DCC: variants seen among roughly 807,000 people sequenced by gnomAD.
DCC encodes the protein DCC netrin 1 receptor.
Under a neutral mutation model 172.5 loss-of-function variants are expected in DCC, and 58 were observed. The ratio of observed to expected loss-of-function variants is 0.34; its 90% confidence interval spans 0.27 to 0.42. The LOEUF is 0.42. DCC is among the 10% of genes least tolerant of loss of function. DCC has a pLI of 1.00. For synonymous variants in DCC, 709 were observed against 644.5 expected (o/e 1.10, Z -1.52); for missense variants, 1,740 against 1,791.0 (o/e 0.97, Z 0.51).
At chr18:53,313,133 A>T (rs1042924327) in intron 13 of DCC, among the ~76,000 whole-genome samples, 6 of 152,104 alleles carry the variant, frequency 3.9e-5, no homozygotes, top group Admixed American at 3.3e-4. Flanking sequence ...AGATCTTCTG[A>T]TATCAGCTAT....
intron 8 of DCC, among the ~76,000 whole-genome samples, chr18:53,176,466 T>C (rs1243826417): frequency 2.0e-5 from 3 of 148,664 alleles, no homozygotes; most frequent in Non-Finnish European, 4.5e-5. Flanking sequence ...TACAATGAAC[T>C]CAAACAAATT....
At chr18:52,602,400 A>AGTGTGCGT (rs1555701932) in intron 1 of DCC, among the ~76,000 whole-genome samples, 6 of 148,626 alleles carry the variant, frequency 4.0e-5, no homozygotes, top group Non-Finnish European at 9.0e-5. Flanking sequence ...TTAGTATCAA[A>AGTGTGCGT]GTGTGTGTGT....
intron 26 of DCC, among the ~76,000 whole-genome samples, chr18:53,497,268 A>G (rs2046035980): frequency 6.6e-6 from 1 of 152,228 alleles, no homozygotes; most frequent in South Asian, 2.1e-4. Flanking sequence ...TGAAATTACA[A>G]ACTCTTTCTG....
At chr18:52,972,619 T>C (rs115498766) in intron 5 of DCC, among the ~76,000 whole-genome samples, 2,102 of 151,940 alleles carry the variant, frequency 0.014, 54 homozygotes, top group African/African-American at 0.049. Flanking sequence ...CATATATGAA[T>C]ACATGTATAC....
intron 5 of DCC, among the ~76,000 whole-genome samples, chr18:52,984,385 C>A (rs966897466): frequency 6.6e-6 from 1 of 151,874 alleles, no homozygotes; most frequent in Non-Finnish European, 1.5e-5. Context: ...TTTGAGAAAC[C>A]ACTCATTGGA....
intron 5 of DCC, among the ~76,000 whole-genome samples, chr18:52,985,418 T>G (rs1598999360): frequency 1.3e-5 from 2 of 152,286 alleles, no homozygotes; most frequent in South Asian, 2.1e-4. Context: ...CATTCAATAC[T>G]GCTGATGAGA....
At chr18:52,867,829 A>G (rs1283133474) in intron 2 of DCC, among the ~76,000 whole-genome samples, 2 of 152,096 alleles carry the variant, frequency 1.3e-5, no homozygotes, top group African/African-American at 4.8e-5. Flanking sequence ...TTCACTGTGA[A>G]TCCTGCAGGA....
rs74178680 is a variant in DCC, at chr18:52,664,470, C to CTTTTTTTTT, written c.92-87579_92-87578insTTTTTTTTT. 9.3e-4 allele frequency among the ~76,000 whole-genome samples: 93 copies of CTTTTTTTTT among 99,790 alleles called. 1 individual carries two copies. Among genetic ancestry groups the CTTTTTTTTT allele is most frequent in the Non-Finnish European group, 1.3e-3 (68 of 52,332 alleles). The allele number at this position is 99,790 out of a possible 152,430, so 65.5% of individuals were successfully genotyped here. A position where few individuals can be genotyped will look rare whatever the true frequency, so the allele number is the denominator to read the frequency against. ...CAAATATCTTTTTTCTTTTCTTTTT[C>CTTTTTTTTT]TTTTTCTTTTTTTTTTTTTTTTGAG... On this transcript the variant is annotated intron_variant, in intron 1 of 28. Coordinates refer to ENST00000442544, the MANE Select transcript of DCC (RefSeq NM_005215.4).
chr18:53,036,168 T>G (rs937301994), intron 5 of DCC, among the ~76,000 whole-genome samples: 2 of 151,954 alleles, frequency 1.3e-5, no homozygotes, highest in African/African-American at 4.8e-5. Context: ...TACAAAAAAT[T>G]TAAGAAGATA....
At chr18:52,374,504 CTA>C (rs111531316) in intron 1 of DCC, among the ~76,000 whole-genome samples, 98 of 146,744 alleles carry the variant, frequency 6.7e-4, no homozygotes, top group Non-Finnish European at 5.7e-4. Context: ...GCTATAAATG[CTA>C]TATATATATA....
chr18:52,662,957 C>T (rs116617383), intron 1 of DCC, among the ~76,000 whole-genome samples: 1,772 of 152,216 alleles, frequency 0.012, 37 homozygotes, highest in African/African-American at 0.039. Context: ...GACCCAATCG[C>T]TCCCTAAACA....
intron 3 of DCC, among the ~76,000 whole-genome samples, chr18:52,916,376 T>A (rs752971397): frequency 1.4e-4 from 21 of 152,186 alleles, no homozygotes; most frequent in Non-Finnish European, 3.1e-4. Flanking sequence ...AAATTCAAGT[T>A]TTTAAGTTAG....
intron 1 of DCC, among the ~76,000 whole-genome samples, chr18:52,492,858 A>G (rs958024033): frequency 6.6e-6 from 1 of 152,050 alleles, no homozygotes; most frequent in Non-Finnish European, 1.5e-5. Flanking sequence ...GGAGCATGAC[A>G]GTTGATGGTA....
In DCC at chr18:53,035,142, A is replaced by G. The variant is rs1283993294; in HGVS notation, c.986-28163A>G. ...TCAAGTCAGGGTAATTGGGATATCC[A>G]TCACCTCAAACATTTATCTGTGTGT... On this transcript the variant is annotated intron_variant, in intron 5 of 28. Transcript: ENST00000442544. Among the ~76,000 whole-genome samples the G allele has an allele frequency of 2.1e-5, 3 of 145,924 alleles. No homozygotes were observed. The South Asian group carries it at 6.5e-4, about 32-fold the overall frequency.
chr18:53,079,781 G>A (rs2042772304), intron 7 of DCC, among the ~76,000 whole-genome samples: 1 of 152,174 alleles, frequency 6.6e-6, no homozygotes, highest in Admixed American at 6.6e-5. Context: ...AAGCTGCCAA[G>A]AAGGGCAAAG....
rs188687545 is a variant in DCC, at chr18:53,220,283, T to G, written c.1911+4686T>G. Among the ~76,000 whole-genome samples the G allele has an allele frequency of 8.3e-4, 126 of 152,264 alleles. 1 individual carries two copies. The East Asian group carries it at 0.016, about 20-fold the overall frequency. On this transcript the variant is annotated intron_variant, in intron 12 of 28. Coordinates refer to ENST00000442544, the MANE Select transcript of DCC (RefSeq NM_005215.4). ...AGGGGTTTCAGTTCACACACCTCCC[T>G]GCTGCGTGACAATCTCTCTGAAAAC...
intron 11 of DCC, among the ~76,000 whole-genome samples, chr18:53,212,433 A>G (rs555706209): frequency 2.7e-5 from 4 of 147,698 alleles, no homozygotes; most frequent in South Asian, 2.1e-4. Flanking sequence ...GTATCTATCT[A>G]TCTCCAAATA....
intron 8 of DCC, among the ~76,000 whole-genome samples, chr18:53,174,509 A>G (rs942244856): frequency 4.7e-5 from 7 of 149,628 alleles, no homozygotes; most frequent in African/African-American, 1.7e-4. Context: ...CACCGATCCC[A>G]CAGAAATACA....
chr18:53,215,670 A>G (rs183857457), intron 12 of DCC, 73 bp downstream of exon 12: 317 of 1,243,036 alleles, frequency 2.6e-4, no homozygotes, highest in Middle Eastern at 9.3e-4. Context: ...CACTCACCCA[A>G]CTGCTGTCTT....
Sources: allele counts gnomAD v4.1 joint callset (sites outside exome capture counted in the v4.1 genomes callset), GRCh38; gene constraint gnomAD v4.1.1; transcripts MANE v1.5; gene names NCBI Gene and HGNC (gene_info 2026-07-23, HGNC 2026-07-21).